RAB7A: variants seen among roughly 807,000 people sequenced by gnomAD.
The protein encoded by RAB7A is RAB7A, member RAS oncogene family, also known as ras-related protein Rab-7a.
In RAB7A, 2 loss-of-function variants were observed where a neutral mutation model predicts 24.5. The ratio of observed to expected loss-of-function variants is 0.08; its 90% CI spans 0.03 to 0.26. The LOEUF is 0.26. Among genes scored for constraint, RAB7A ranks in the 10% least tolerant of loss-of-function variants. The pLI is 1.00. For synonymous variants in RAB7A, 100 were observed against 95.9 expected (o/e 1.04, Z -0.25); for missense variants, 118 against 255.7 (o/e 0.46, Z 3.67).
intron 1 of RAB7A, among the ~76,000 whole-genome samples, chr3:128,771,536 A>G (rs1932935577): frequency 6.6e-6 from 1 of 152,238 alleles, no homozygotes. Flanking sequence ...TGTACCAGGC[A>G]TTGGTCTCTG....
At chr3:128,732,058 T>G (rs1176489059) in intron 1 of RAB7A, among the ~76,000 whole-genome samples, 4 of 148,192 alleles carry the variant, frequency 2.7e-5, no homozygotes, top group Admixed American at 1.3e-4. Flanking sequence ...TTTCTCTCTC[T>G]GAGACAGAGT....
chr3:128,739,261 G>C (rs1340666017), intron 1 of RAB7A, among the ~76,000 whole-genome samples: 2 of 152,170 alleles, frequency 1.3e-5, no homozygotes, highest in African/African-American at 4.8e-5. Flanking sequence ...TGTAATCTCA[G>C]CAGTTTGGAA....
At chr3:128,747,750 T>C (rs2070632218) in intron 1 of RAB7A, among the ~76,000 whole-genome samples, 1 of 151,198 alleles carries the variant, frequency 6.6e-6, no homozygotes, top group Non-Finnish European at 1.5e-5. Context: ...AAAGGATTCT[T>C]TTTCATTTTG....
intron 1 of RAB7A, among the ~76,000 whole-genome samples, chr3:128,762,944 A>C (rs1392457158): frequency 6.6e-6 from 1 of 152,086 alleles, no homozygotes; most frequent in Non-Finnish European, 1.5e-5. Context: ...GCTACTACAA[A>C]GTAAATTAGA....
Position 128,813,906 on chromosome 3 carries a change from C to T in RAB7A, c.*484C>T, listed in dbSNP as rs1354680795. 3 of 240,652 alleles carry T rather than the reference C, an allele frequency of 1.2e-5. No homozygotes were observed. In the East Asian group the frequency reaches 3.0e-4, roughly 24 times the overall value. The allele number at this position is 240,652 out of a possible 1,614,324, so 14.9% of individuals were successfully genotyped here. ...CTACCCCTTGGGAAGGCTGGTGCCCCATGCCCCATTACAGGCTCACACCCA... is the reference window on the plus strand; with the variant it reads ...CTACCCCTTGGGAAGGCTGGTGCCCTATGCCCCATTACAGGCTCACACCCA... On this transcript the variant is annotated 3_prime_UTR_variant, in exon 6 of 6. Coordinates refer to ENST00000265062, the MANE Select transcript of RAB7A (RefSeq NM_004637.6).
rs775104487 is a variant in RAB7A, at chr3:128,798,056, T to C, written c.167T>C (p.Leu56Pro). Residue 56 changes from leucine (L) to proline (P), a missense_variant, in exon 3 of 6, where the codon CTA becomes CCA. Coordinates refer to ENST00000265062, the MANE Select transcript of RAB7A (RefSeq NM_004637.6). ...LTKEVMVDDR[L>P]VTMQIWDTAG... ...AAGGAGGTGATGGTGGATGACAGGC[T>C]AGTCACAATGCAGGTAAGCACATGT... The C allele has an allele frequency of 3.8e-5, 62 of 1,613,972 alleles. No individual in the cohort carries two copies. Among genetic ancestry groups the C allele is most frequent in the Non-Finnish European group, 5.2e-5 (61 of 1,179,954 alleles).
intron 5 of RAB7A, among the ~76,000 whole-genome samples, chr3:128,812,732 C>A (rs1295564330): frequency 2.0e-5 from 3 of 152,156 alleles, no homozygotes; most frequent in Non-Finnish European, 2.9e-5. Context: ...CCTTTCTAGG[C>A]CTGCAGCATT....
intron 1 of RAB7A, among the ~76,000 whole-genome samples, chr3:128,767,641 G>C (rs1215667468): frequency 6.6e-6 from 1 of 152,196 alleles, no homozygotes. Context: ...TTCCTCTTGG[G>C]AAGGACAGAC....
Position 128,759,999 on chromosome 3 carries a change from C to T in RAB7A, c.-9+33640C>T, listed in dbSNP as rs200157956. Among the ~76,000 whole-genome samples, 14 of 152,264 alleles carry T rather than the reference C, an allele frequency of 9.2e-5. No homozygotes were observed. In the East Asian group the frequency reaches 2.3e-3, roughly 25 times the overall value. On this transcript the variant is annotated intron_variant, in intron 1 of 5. Transcript: ENST00000265062. ...TGCTGGGATTATAGGCGTGAACCAC[C>T]ATGCCCAGCCTCGATGATGACTTAT... is the stretch of plus-strand genomic sequence containing the variant.
At chr3:128,785,495 A>G (rs1933318644) in intron 1 of RAB7A, 1 of 152,234 alleles carries the variant, frequency 6.6e-6, no homozygotes, top group Non-Finnish European at 1.5e-5. Context: ...ACAGTGGCTT[A>G]TGCCTGCAAT....
At chr3:128,740,428 A>G (rs2070541173) in intron 1 of RAB7A, among the ~76,000 whole-genome samples, 1 of 152,256 alleles carries the variant, frequency 6.6e-6, no homozygotes, top group African/African-American at 2.4e-5. Context: ...AGATTTAGTG[A>G]GTATACATAC....
At chr3:128,742,525 C>G (rs1396984270) in intron 1 of RAB7A, among the ~76,000 whole-genome samples, 3 of 152,144 alleles carry the variant, frequency 2.0e-5, no homozygotes, top group Non-Finnish European at 2.9e-5. Context: ...TTTATAATCC[C>G]TGATCTAGAC....
intron 5 of RAB7A, among the ~76,000 whole-genome samples, chr3:128,810,009 C>T (rs1236572674): frequency 2.4e-5 from 3 of 123,788 alleles, no homozygotes; most frequent in Admixed American, 1.1e-4. Flanking sequence ...AATGCAATGG[C>T]GTGATCTCGG....
chr3:128,734,125 A>C (rs539877795), intron 1 of RAB7A, among the ~76,000 whole-genome samples: 21 of 152,182 alleles, frequency 1.4e-4, no homozygotes, highest in African/African-American at 4.6e-4. Flanking sequence ...ACTTAAATCC[A>C]TTGGGGTTAA....
At chr3:128,727,185 A>AT (rs1323594965) in intron 1 of RAB7A, among the ~76,000 whole-genome samples, 2 of 152,116 alleles carry the variant, frequency 1.3e-5, no homozygotes, top group African/African-American at 4.8e-5. Flanking sequence ...CTTTTAACAG[A>AT]TCATTATGTT....
intron 1 of RAB7A, 174 bp from the exon 2 acceptor site, chr3:128,795,186 G>C (rs1349067718): frequency 2.4e-5 from 16 of 670,198 alleles, no homozygotes; most frequent in Non-Finnish European, 1.7e-5. Flanking sequence ...CTTGGGTCCA[G>C]AGTTTTGGTG....
At chr3:128,773,576 C>T (rs1933008902) in intron 1 of RAB7A, among the ~76,000 whole-genome samples, 1 of 152,236 alleles carries the variant, frequency 6.6e-6, no homozygotes. Context: ...CGGCCACCAC[C>T]CCGTCTGGGA....
At chr3:128,735,464 A>C (rs1246848866) in intron 1 of RAB7A, among the ~76,000 whole-genome samples, 1 of 152,242 alleles carries the variant, frequency 6.6e-6, no homozygotes, top group Admixed American at 6.5e-5. Flanking sequence ...CTTGAACCTC[A>C]CAATTAAGTC....
intron 1 of RAB7A, among the ~76,000 whole-genome samples, chr3:128,737,912 G>A (rs73196993): frequency 0.046 from 6,218 of 134,710 alleles, 179 homozygotes; most frequent in Admixed American, 0.062. Context: ...TAGGCCTCAA[G>A]TGATCCTCCT....
Sources: gnomAD v4.1 joint callset for allele counts (sites outside exome capture counted in the v4.1 genomes callset) on GRCh38, gnomAD v4.1.1 for gene constraint, MANE v1.5 for transcripts, NCBI Gene and HGNC (gene_info 2026-07-23, HGNC 2026-07-21) for gene names.